Variants in PPP4R3B observed in about 807,000 individuals in gnomAD.
The protein encoded by PPP4R3B is serine/threonine-protein phosphatase 4 regulatory subunit 3B.
PPP4R3B carries 52 observed loss-of-function variants against 95.4 expected under a neutral mutation model. The ratio of observed to expected loss-of-function variants is 0.54; its 90% CI spans 0.44 to 0.69. PPP4R3B has a LOEUF of 0.69. Ranked by LOEUF, PPP4R3B falls within the 30% of genes least tolerant of loss-of-function variation. PPP4R3B has a pLI of 0.00. For missense variants in PPP4R3B, 1,003 were observed against 1,005.9 expected, an observed-to-expected ratio of 1.00 and a Z score of 0.04; for synonymous variants, 407 against 343.9, an observed-to-expected ratio of 1.18 and a Z score of -2.03.
At chr2:55,615,419 G>T in intron 2 of PPP4R3B, 32 bp downstream of exon 2, 1 of 1,462,948 alleles carries the variant, frequency 6.8e-7, no homozygotes, top group Non-Finnish European at 9.5e-7. Flanking sequence ...CACAGATGAA[G>T]TCTTTCAAAT....
intron 6 of PPP4R3B, 129 bp downstream of exon 6, chr2:55,586,489 T>C (rs1690167504): frequency 1.9e-6 from 1 of 538,774 alleles, no homozygotes; most frequent in East Asian, 3.2e-5. Context: ...ACTGAAGATA[T>C]TCTTGTAATT....
intron 11 of PPP4R3B, among the ~76,000 whole-genome samples, chr2:55,576,628 G>C (rs2104144587): frequency 6.6e-6 from 1 of 151,834 alleles, no homozygotes; most frequent in South Asian, 2.1e-4. Flanking sequence ...CTTGAACTCA[G>C]GAGGCGGAGC....
At chr2:55,605,799 A>T (rs931524901) in intron 2 of PPP4R3B, among the ~76,000 whole-genome samples, 1 of 151,672 alleles carries the variant, frequency 6.6e-6, no homozygotes, top group Non-Finnish European at 1.5e-5. Flanking sequence ...CCAGCTACTC[A>T]GTAGGCTGAG....
intron 4 of PPP4R3B, among the ~76,000 whole-genome samples, chr2:55,593,727 C>G (rs1465505846): frequency 6.6e-6 from 1 of 152,000 alleles, no homozygotes; most frequent in African/African-American, 2.4e-5. Flanking sequence ...ATAGCAAAAC[C>G]CCACCTCTAC....
At chr2:55,574,697 C>T (rs983991189) in intron 11 of PPP4R3B, among the ~76,000 whole-genome samples, 5 of 151,336 alleles carry the variant, frequency 3.3e-5, no homozygotes, top group African/African-American at 1.2e-4. Flanking sequence ...GGGTTCACGA[C>T]ATTCTCCTGC....
chr2:55,598,445 T>A lies in PPP4R3B; in HGVS notation c.892A>T (p.Asn298Tyr), dbSNP rs770742350. The A allele has an allele frequency of 6.2e-7, 1 of 1,613,876 alleles. No homozygotes were observed. The highest frequency in any genetic ancestry group is 8.5e-7 in the Non-Finnish European group (1 of 1,179,962). ...LSTLTSFIFF[N>Y]KVEIVSMLQE... ...AACATGCTGACTATCTCAACTTTGTTGAAGAAAATAAAAGACGTAAGAGTA... is the reference window on the plus strand; with the variant it reads ...AACATGCTGACTATCTCAACTTTGTAGAAGAAAATAAAAGACGTAAGAGTA... Residue 298 changes from asparagine to tyrosine, a missense_variant, in exon 4 of 17, where the codon AAC (asparagine) becomes TAC (tyrosine). Physicochemically the swap from Asn to Tyr is moderately radical, Grantham distance 143. Coordinates refer to ENST00000616407, the MANE Select transcript of PPP4R3B (RefSeq NM_001122964.3).
At chr2:55,552,765 AC>A (rs1685393708) in intron 16 of PPP4R3B, among the ~76,000 whole-genome samples, 1 of 152,198 alleles carries the variant, frequency 6.6e-6, no homozygotes. Flanking sequence ...AAAAGTGAAT[AC>A]CAGCAAAGAA....
At chr2:55,565,547 C>T (rs1028757887) in intron 13 of PPP4R3B, among the ~76,000 whole-genome samples, 1 of 151,926 alleles carries the variant, frequency 6.6e-6, no homozygotes, top group South Asian at 2.1e-4. Context: ...CCCAAATACC[C>T]GGACTTGATC....
intron 3 of PPP4R3B, among the ~76,000 whole-genome samples, chr2:55,602,958 C>CTTTTTTTTTTTTTTTTTT (rs760532917): frequency 6.8e-6 from 1 of 146,210 alleles, no homozygotes. Context: ...AGGACGAATA[C>CTTTTTTTTTTTTTTTTTT]TCTTTTTTTT....
chr2:55,592,281 A>G (rs1376292977), intron 4 of PPP4R3B, among the ~76,000 whole-genome samples: 1 of 152,228 alleles, frequency 6.6e-6, no homozygotes, highest in Admixed American at 6.5e-5. Context: ...AGCTAGTGAC[A>G]GATGGATTTA....
chr2:55,556,773 A>C (rs950760989), intron 16 of PPP4R3B, among the ~76,000 whole-genome samples: 15 of 152,198 alleles, frequency 9.9e-5, no homozygotes, highest in Admixed American at 2.0e-4. Flanking sequence ...CCTTTTTAAA[A>C]CAAGAAAGTC....
chr2:55,608,983 C>T (rs1693791978), intron 2 of PPP4R3B, among the ~76,000 whole-genome samples: 1 of 152,108 alleles, frequency 6.6e-6, no homozygotes, highest in South Asian at 2.1e-4. Context: ...AAAACCACCG[C>T]CCTGCCTCCA....
chr2:55,555,079 G>A (rs1685672125), intron 16 of PPP4R3B, among the ~76,000 whole-genome samples: 1 of 152,026 alleles, frequency 6.6e-6, no homozygotes, highest in South Asian at 2.1e-4. Flanking sequence ...AGGAGATCGA[G>A]AACATCCTGG....
Position 55,549,891 on chromosome 2 carries a change from AG to A in PPP4R3B, c.*19del. ...TGCAGCATTGTAAGACCACATGTTG[AG>A]GGTCCCCTAATAAATATTTTATGAG... On this transcript the variant is annotated 3_prime_UTR_variant, in exon 17 of 17. Coordinates refer to ENST00000616407, the MANE Select transcript of PPP4R3B (RefSeq NM_001122964.3). The A allele has an allele frequency of 3.2e-6, 5 of 1,562,490 alleles. No individual in the cohort carries two copies. The highest frequency in any genetic ancestry group is 4.4e-6 in the Non-Finnish European group (5 of 1,133,128).
At chr2:55,577,054 C>T (rs1307010696) in intron 11 of PPP4R3B, among the ~76,000 whole-genome samples, 2 of 152,160 alleles carry the variant, frequency 1.3e-5, no homozygotes, top group African/African-American at 4.8e-5. Context: ...AAAATAAGAA[C>T]TAAATCCTCA....
chr2:55,616,550 A>T (rs1694957381), intron 1 of PPP4R3B: 1 of 152,228 alleles, frequency 6.6e-6, no homozygotes, highest in East Asian at 1.9e-4. Flanking sequence ...TTAGATTGTA[A>T]GGCATTCACT....
At chr2:55,577,084 T>C (rs1027600360) in intron 11 of PPP4R3B, among the ~76,000 whole-genome samples, 2 of 152,194 alleles carry the variant, frequency 1.3e-5, no homozygotes, top group Non-Finnish European at 2.9e-5. Flanking sequence ...CAATGCCTTC[T>C]CATAACAACA....
At chr2:55,561,861 A>G (rs974868017) in intron 15 of PPP4R3B, among the ~76,000 whole-genome samples, 1 of 152,104 alleles carries the variant, frequency 6.6e-6, no homozygotes, top group African/African-American at 2.4e-5. Flanking sequence ...GTCTCATATG[A>G]GACTTTGGAC....
Position 55,598,808 on chromosome 2 carries a change from G to C in PPP4R3B, c.529C>G (p.Gln177Glu), listed in dbSNP as rs1692155519. 3 of 1,614,232 alleles carry C rather than the reference G, an allele frequency of 1.9e-6. No individual in the cohort carries two copies. Among genetic ancestry groups the C allele is most frequent in the East Asian group, 2.2e-5 (1 of 44,876 alleles). The stretch of plus-strand genomic sequence containing the variant: ...AGGTTCTCGCAAGCTTGGAACAGCT[G>C]CAATAGTTTTTTAATATAGCCTTCA... ...ENEGYIKKLL[Q>E]LFQACENLEN... is the part of the protein sequence containing the mutation. The change falls in exon 4 of 17, where the codon CAG (glutamine) becomes GAG (glutamate). Residue 177 changes from glutamine (Q) to glutamate (E), a missense_variant. By Grantham distance (29) the Gln-to-Glu change is conservative. This residue lies in a region of PPP4R3B where 695 missense variants were observed against 686.2 expected (regional missense o/e 1.01). Transcript: ENST00000616407.
Sources: allele counts gnomAD v4.1 joint callset (sites outside exome capture counted in the v4.1 genomes callset), GRCh38; gene constraint gnomAD v4.1.1; regional missense constraint gnomAD v4.1.1; transcripts MANE v1.5; gene names NCBI Gene and HGNC (gene_info 2026-07-23, HGNC 2026-07-21).